Variants in HEMK2 observed in about 807,000 individuals in gnomAD.
HEMK2 encodes the protein HemK methyltransferase 2, ETF1 glutamine and histone H4 lysine.
the HEMK2 span, among the ~76,000 whole-genome samples, chr21:28,730,399 C>G: frequency 1.9e-5 from 2 of 105,016 alleles, no homozygotes; most frequent in Non-Finnish European, 3.4e-5. Context: ...CACACACACA[C>G]ACACACACAC....
At chr21:28,882,912 T>C in the HEMK2 span, 2 of 1,074,018 alleles carry the variant, frequency 1.9e-6, no homozygotes, top group East Asian at 2.6e-5. Context: ...TACTGTCTCT[T>C]TAAAAATTAT....
the HEMK2 span, among the ~76,000 whole-genome samples, chr21:28,786,790 G>C: frequency 2.6e-5 from 4 of 151,876 alleles, no homozygotes; most frequent in Non-Finnish European, 5.9e-5. Context: ...TTTCTACATA[G>C]ATAATAGTAA....
chr21:28,885,259 C>T, the HEMK2 span: 1 of 1,594,150 alleles, frequency 6.3e-7, no homozygotes, highest in Non-Finnish European at 8.6e-7. Flanking sequence ...AAAGCAGAAA[C>T]GTGTCCTCCG....
chr21:28,594,655 A>G, the HEMK2 span, among the ~76,000 whole-genome samples: 1 of 152,186 alleles, frequency 6.6e-6, no homozygotes, highest in Non-Finnish European at 1.5e-5. Flanking sequence ...TTTCAAAACT[A>G]ATTTTCTCCC....
the HEMK2 span, among the ~76,000 whole-genome samples, chr21:28,759,540 T>C: frequency 3.3e-5 from 5 of 152,138 alleles, no homozygotes; most frequent in Admixed American, 2.0e-4. Context: ...GGTGGGACTG[T>C]TGAGAAGGCA....
chr21:28,579,374 G>A, the HEMK2 span, among the ~76,000 whole-genome samples: 4 of 151,866 alleles, frequency 2.6e-5, no homozygotes, highest in African/African-American at 9.7e-5. Context: ...ATTCTTCTTT[G>A]AACAGGTTTG....
At chr21:28,691,254 G>GCA in the HEMK2 span, among the ~76,000 whole-genome samples, 1 of 151,820 alleles carries the variant, frequency 6.6e-6, no homozygotes, top group South Asian at 2.1e-4. Context: ...TATGAGAGAG[G>GCA]GACTGAACGC....
chr21:28,763,964 A>G, the HEMK2 span, among the ~76,000 whole-genome samples: 1 of 152,098 alleles, frequency 6.6e-6, no homozygotes, highest in Admixed American at 6.6e-5. Context: ...TCATCCTGGG[A>G]TAGGAGCAGG....
chr21:28,831,230 A>T, the HEMK2 span, among the ~76,000 whole-genome samples: 58 of 151,964 alleles, frequency 3.8e-4, no homozygotes, highest in Non-Finnish European at 6.9e-4. Flanking sequence ...GGATCACTTG[A>T]GGTCAGCAGT....
the HEMK2 span, among the ~76,000 whole-genome samples, chr21:28,679,318 G>C: frequency 1.3e-5 from 2 of 152,150 alleles, no homozygotes; most frequent in African/African-American, 2.4e-5. Flanking sequence ...TAATGGTAAA[G>C]GGATCAATTC....
chr21:28,736,843 C>A, the HEMK2 span, among the ~76,000 whole-genome samples: 41,450 of 150,960 alleles, frequency 0.27, 6,081 homozygotes, highest in East Asian at 0.53. Context: ...ATAAAAGTCA[C>A]AACTGATCCA....
At chr21:28,588,759 G>T in the HEMK2 span, among the ~76,000 whole-genome samples, 1 of 151,846 alleles carries the variant, frequency 6.6e-6, no homozygotes, top group East Asian at 1.9e-4. Flanking sequence ...TCACGAGGTC[G>T]GATCACAAGG....
the HEMK2 span, among the ~76,000 whole-genome samples, chr21:28,681,778 C>A: frequency 6.6e-6 from 1 of 151,730 alleles, no homozygotes; most frequent in Non-Finnish European, 1.5e-5. Flanking sequence ...TTTGACAAAC[C>A]TGACAAAAAC....
At chr21:28,592,078 G>A in the HEMK2 span, among the ~76,000 whole-genome samples, 6 of 152,132 alleles carry the variant, frequency 3.9e-5, no homozygotes, top group African/African-American at 7.2e-5. Flanking sequence ...TAATAGGATC[G>A]CTGGGTTGAA....
chr21:28,727,883 T>C, the HEMK2 span, among the ~76,000 whole-genome samples: 1 of 152,210 alleles, frequency 6.6e-6, no homozygotes, highest in South Asian at 2.1e-4. Flanking sequence ...AGGGCCAATA[T>C]CCCTCATTTT....
the HEMK2 span, among the ~76,000 whole-genome samples, chr21:28,737,196 C>T: frequency 4.6e-5 from 7 of 152,328 alleles, no homozygotes; most frequent in African/African-American, 1.7e-4. Flanking sequence ...ACAATCTCAG[C>T]TCACTGAAGC....
chr21:28,712,581 C>CAGGCAG, the HEMK2 span, among the ~76,000 whole-genome samples: 1 of 152,114 alleles, frequency 6.6e-6, no homozygotes, highest in African/African-American at 2.4e-5. Context: ...GAGGACATCC[C>CAGGCAG]AGGCAGAGGA....
At chr21:28,877,053 AG>A in the HEMK2 span, among the ~76,000 whole-genome samples, 1 of 12,164 alleles carries the variant, frequency 8.2e-5, no homozygotes, top group Non-Finnish European at 1.5e-4. Flanking sequence ...GGAGGGAGGG[AG>A]GGAGGGAAGG....
At chr21:28,589,043 GT>G in the HEMK2 span, among the ~76,000 whole-genome samples, 7 of 149,388 alleles carry the variant, frequency 4.7e-5, no homozygotes, top group African/African-American at 1.7e-4. Flanking sequence ...CTATCCCTAA[GT>G]GAAAAAACAC....
Sources: allele counts gnomAD v4.1 joint callset (sites outside exome capture counted in the v4.1 genomes callset), GRCh38; gene constraint gnomAD v4.1.1; transcripts MANE v1.5; gene names NCBI Gene and HGNC (gene_info 2026-07-23, HGNC 2026-07-21).